Variants in ARL8B observed in about 807,000 individuals in gnomAD.
ARL8B encodes the protein ADP-ribosylation factor-like protein 8B.
In ARL8B, 9 loss-of-function variants were observed where a neutral mutation model predicts 30.6. The ratio of observed to expected loss-of-function variants is 0.29; its 90% CI spans 0.18 to 0.51. The LOEUF is 0.51. Ranked by LOEUF, ARL8B falls within the 20% of genes least tolerant of loss-of-function variation. The pLI is 0.97. For synonymous variants in ARL8B, 74 were observed against 76.0 expected (o/e 0.97, Z 0.14); for missense variants, 130 against 227.2 (o/e 0.57, Z 2.75).
intron 1 of ARL8B, among the ~76,000 whole-genome samples, chr3:5,154,379 G>T (rs1201652800): frequency 1.3e-5 from 2 of 151,266 alleles, no homozygotes; most frequent in East Asian, 1.9e-4. Context: ...TGTTGCCCGA[G>T]GGTGGAGTGC....
intron 1 of ARL8B, among the ~76,000 whole-genome samples, chr3:5,156,060 G>A (rs2054530789): frequency 6.6e-6 from 1 of 151,920 alleles, no homozygotes; most frequent in Non-Finnish European, 1.5e-5. Flanking sequence ...GCACCACCAT[G>A]CCCATCTAAT....
In ARL8B at chr3:5,178,936, C is replaced by G; in HGVS notation, c.*223C>G. 4.4e-6 allele frequency: 3 copies of G among 674,300 alleles called. No individual in the cohort carries two copies. The highest frequency in any genetic ancestry group is 6.7e-6 in the Non-Finnish European group (3 of 448,178). The allele number at this position is 674,300 out of a possible 1,614,324, so 41.8% of individuals were successfully genotyped here. ...TCAGCACACACAAAAAGGCTTCTTA[C>G]ACATACCTGTCTTAAACCATGTGTA... On this transcript the variant is annotated 3_prime_UTR_variant, in exon 7 of 7. Transcript: ENST00000256496.
In ARL8B at chr3:5,174,959, C is replaced by T. The variant is rs188058256; in HGVS notation, c.511+545C>T. 8.6e-5 allele frequency among the ~76,000 whole-genome samples: 13 copies of T among 151,664 alleles called. No individual in the cohort carries two copies. The East Asian group carries it at 1.9e-3, about 23-fold the overall frequency. Reference sequence around the variant, plus strand: ...CTGGGACTACAGACGTGCACCACCACGCCCGGCTAATTTTTGTATTTTCAG... The same window carrying T: ...CTGGGACTACAGACGTGCACCACCATGCCCGGCTAATTTTTGTATTTTCAG... On this transcript the variant is annotated intron_variant, in intron 6 of 6. Coordinates refer to ENST00000256496, the MANE Select transcript of ARL8B (RefSeq NM_018184.3).
intron 1 of ARL8B, among the ~76,000 whole-genome samples, chr3:5,137,198 G>T (rs2054334756): frequency 6.6e-6 from 1 of 152,038 alleles, no homozygotes; most frequent in African/African-American, 2.4e-5. Flanking sequence ...ATGAGCTCAT[G>T]GTGAGGTAAG....
chr3:5,161,579 G>GT (rs2054581249), intron 1 of ARL8B, among the ~76,000 whole-genome samples: 1 of 152,240 alleles, frequency 6.6e-6, no homozygotes, highest in Non-Finnish European at 1.5e-5. Context: ...GTTTGAGCTA[G>GT]TATAGGCACT....
At chr3:5,124,695 C>G (rs2054214765) in intron 1 of ARL8B, among the ~76,000 whole-genome samples, 1 of 152,078 alleles carries the variant, frequency 6.6e-6, no homozygotes, top group African/African-American at 2.4e-5. Flanking sequence ...CAGGGCTGGT[C>G]TTGAGCTCCT....
Position 5,177,139 on chromosome 3 carries a change from C to A in ARL8B, c.512-1525C>A, listed in dbSNP as rs11929393. Among the ~76,000 whole-genome samples, 1,392 of 152,192 alleles carry A rather than the reference C, an allele frequency of 9.1e-3. 17 individuals are homozygous for A. Among genetic ancestry groups the A allele is most frequent in the African/African-American group, 0.032 (1,308 of 41,522 alleles). ...ATACTTCCTGAAAAAAAAACAAAAT[C>A]TCTTGGGCTCATATATGGAAGTGCA... On this transcript the variant is annotated intron_variant, in intron 6 of 6. Coordinates refer to ENST00000256496, the MANE Select transcript of ARL8B (RefSeq NM_018184.3).
Position 5,127,872 on chromosome 3 carries a change from C to CAAAAAAA in ARL8B, c.123+5307_123+5313dup, listed in dbSNP as rs748657502. On this transcript the variant is annotated intron_variant, in intron 1 of 6. Coordinates refer to ENST00000256496, the MANE Select transcript of ARL8B (RefSeq NM_018184.3). ...TGGGCAACAGAGCGAGACTCCGTCT[C>CAAAAAAA]AAAAAAAAAAAAAAAAAAAAAAAAA... 3.7e-3 allele frequency among the ~76,000 whole-genome samples: 39 copies of CAAAAAAA among 10,594 alleles called. 11 individuals carry two copies. The highest frequency in any genetic ancestry group is 5.9e-3 in the African/African-American group (14 of 2,366). The allele number at this position is 10,594 out of a possible 152,430, so 7.0% of individuals were successfully genotyped here.
intron 1 of ARL8B, among the ~76,000 whole-genome samples, chr3:5,158,929 A>AATTC (rs1208975636): frequency 1.3e-5 from 2 of 152,084 alleles, no homozygotes; most frequent in African/African-American, 4.8e-5. Flanking sequence ...GTATATGCTG[A>AATTC]AGTCTTCCTC....
intron 1 of ARL8B, among the ~76,000 whole-genome samples, chr3:5,161,802 C>A (rs951615717): frequency 2.6e-5 from 4 of 152,192 alleles, no homozygotes; most frequent in Non-Finnish European, 4.4e-5. Flanking sequence ...TCCTTAGGGG[C>A]TTAAATGTCA....
chr3:5,169,061 TATG>T (rs1315724773), intron 1 of ARL8B, among the ~76,000 whole-genome samples: 1 of 152,204 alleles, frequency 6.6e-6, no homozygotes, highest in Non-Finnish European at 1.5e-5. Context: ...TCCCTCCCTG[TATG>T]ATGACTAGTT....
chr3:5,125,764 C>G (rs1036705404), intron 1 of ARL8B, among the ~76,000 whole-genome samples: 5 of 152,140 alleles, frequency 3.3e-5, no homozygotes, highest in African/African-American at 1.2e-4. Context: ...AACTCCTGGT[C>G]TCAAGTAATA....
At chr3:5,156,303 A>G (rs1559282296) in intron 1 of ARL8B, among the ~76,000 whole-genome samples, 4 of 146,528 alleles carry the variant, frequency 2.7e-5, no homozygotes, top group African/African-American at 1.0e-4. Flanking sequence ...ATGCTTTGTG[A>G]TTTTTTTTTG....
At chr3:5,172,814 T>A (rs2054687712) in intron 4 of ARL8B, 74 bp downstream of exon 4, 8 of 987,274 alleles carry the variant, frequency 8.1e-6, no homozygotes, top group African/African-American at 1.7e-5. Context: ...TGCAGTGATA[T>A]TAATTATGTT....
intron 1 of ARL8B, among the ~76,000 whole-genome samples, chr3:5,167,898 GT>G (rs1186536341): frequency 5.3e-5 from 8 of 152,164 alleles, no homozygotes; most frequent in Non-Finnish European, 1.0e-4. Flanking sequence ...AGTGGTTATA[GT>G]TGTTCAACAC....
At position 5,132,770 on chromosome 3, in the gene ARL8B, A is replaced by G. The variant is rs530134111; in HGVS notation, c.123+10182A>G. On this transcript the variant is annotated intron_variant, in intron 1 of 6. Transcript: ENST00000256496. ...TAAACTAGGTGCAAGGCATTGTGATAGATAACTTATAAATGTACCAGACAA... is the reference window on the plus strand; with the variant it reads ...TAAACTAGGTGCAAGGCATTGTGATGGATAACTTATAAATGTACCAGACAA... Among the ~76,000 whole-genome samples, 5 of 152,352 alleles carry G rather than the reference A, an allele frequency of 3.3e-5. No homozygotes were observed. In the East Asian group the frequency reaches 9.6e-4, roughly 29 times the overall value.
At chr3:5,154,983 C>A (rs1457723304) in intron 1 of ARL8B, among the ~76,000 whole-genome samples, 1 of 152,234 alleles carries the variant, frequency 6.6e-6, no homozygotes, top group African/African-American at 2.4e-5. Context: ...GATCCTCCCA[C>A]TTCAGCCTCC....
chr3:5,159,332 G>T (rs1193207987), intron 1 of ARL8B, among the ~76,000 whole-genome samples: 1 of 150,640 alleles, frequency 6.6e-6, no homozygotes, highest in East Asian at 1.9e-4. Flanking sequence ...GCCAGGTGCG[G>T]TGGCTCATGC....
At chr3:5,145,968 A>C (rs1325597664) in intron 1 of ARL8B, among the ~76,000 whole-genome samples, 1 of 152,146 alleles carries the variant, frequency 6.6e-6, no homozygotes, top group Non-Finnish European at 1.5e-5. Context: ...AAATTATTAT[A>C]GTGGTTTCTG....
Sources: gnomAD v4.1 joint callset for allele counts (sites outside exome capture counted in the v4.1 genomes callset) on GRCh38, gnomAD v4.1.1 for gene constraint, MANE v1.5 for transcripts, NCBI Gene and HGNC (gene_info 2026-07-23, HGNC 2026-07-21) for gene names.